The following FBXW4 variants were observed in gnomAD, a reference collection of about 807,000 sequenced individuals.
FBXW4 encodes the protein F-box and WD repeat domain containing 4.
FBXW4 carries 40 observed loss-of-function variants against 61.8 expected under a neutral mutation model. The ratio of observed to expected loss-of-function variants is 0.65; its 90% confidence interval spans 0.50 to 0.84. The LOEUF is 0.84. Among genes scored for constraint, FBXW4 ranks in the 40% least tolerant of loss-of-function variants. The pLI is 0.00. For missense variants in FBXW4, 672 were observed against 753.8 expected (o/e 0.89, Z 1.27); for synonymous variants, 311 against 313.8 (o/e 0.99, Z 0.10).
chr10:101,673,979 T>A (rs551840071), intron 2 of FBXW4, among the ~76,000 whole-genome samples: 1 of 152,260 alleles, frequency 6.6e-6, no homozygotes, highest in East Asian at 1.9e-4. Context: ...CTACCTAGAC[T>A]TCTCATGGGT....
At chr10:101,651,444 A>G (rs916686032) in intron 5 of FBXW4, among the ~76,000 whole-genome samples, 2 of 152,188 alleles carry the variant, frequency 1.3e-5, no homozygotes, top group Non-Finnish European at 2.9e-5. Context: ...GTGAAATCAT[A>G]CAGAGGTCAG....
intron 5 of FBXW4, among the ~76,000 whole-genome samples, chr10:101,666,310 T>G (rs2064299984): frequency 6.6e-6 from 1 of 152,178 alleles, no homozygotes; most frequent in Non-Finnish European, 1.5e-5. Flanking sequence ...GTCAATATGC[T>G]AAGGAATGGG....
chr10:101,680,336 G>C (rs987354914), intron 1 of FBXW4, among the ~76,000 whole-genome samples: 2 of 152,118 alleles, frequency 1.3e-5, no homozygotes, highest in African/African-American at 4.8e-5. Context: ...CAATAGAAAT[G>C]TATCAATTAT....
intron 6 of FBXW4, 32 bp downstream of exon 6, chr10:101,624,710 GACT>G: frequency 1.2e-6 from 2 of 1,611,736 alleles, no homozygotes; most frequent in Non-Finnish European, 1.7e-6. Flanking sequence ...TCACCTCCTG[GACT>G]GGAAGCCAGC....
At chr10:101,660,027 A>T in intron 5 of FBXW4, 1 of 945,550 alleles carries the variant, frequency 1.1e-6, no homozygotes, top group Non-Finnish European at 1.3e-6. Flanking sequence ...ATAAGGAGAA[A>T]TCACTTGAAT....
At chr10:101,622,995 CAG>C (rs2063879979) in intron 6 of FBXW4, 1 of 152,120 alleles carries the variant, frequency 6.6e-6, no homozygotes, top group African/African-American at 2.4e-5. Context: ...AAGACATGAA[CAG>C]ACGTTTCGCC....
intron 1 of FBXW4, among the ~76,000 whole-genome samples, chr10:101,683,484 C>G (rs1158056868): frequency 6.6e-6 from 1 of 152,050 alleles, no homozygotes; most frequent in African/African-American, 2.4e-5. Flanking sequence ...CAACATGCAC[C>G]CACAGTAAGC....
Position 101,694,522 on chromosome 10 carries a change from C to A in FBXW4, c.584G>T (p.Cys195Phe). 1 of 1,509,094 alleles carries A rather than the reference C, an allele frequency of 6.6e-7. No homozygotes were observed. Among genetic ancestry groups the A allele is most frequent in the African/African-American group, 1.4e-5 (1 of 69,402 alleles). 93.5% of individuals were successfully genotyped at this position (1,509,094 alleles called of 1,614,324 possible). A position where few individuals can be genotyped will look rare whatever the true frequency, so the allele number is the denominator to read the frequency against. ...RLPEELLLLI[C>F]SYLDMRALGR... Reference sequence around the variant, plus strand: ...GAGGGCCCGCATGTCCAGGTAGGAGCAGATGAGCAGCAGCAGCTCCTCCGG... The same window carrying A: ...GAGGGCCCGCATGTCCAGGTAGGAGAAGATGAGCAGCAGCAGCTCCTCCGG... The change falls in exon 1 of 9, where the codon TGC becomes TTC. Residue 195 changes from cysteine (C) to phenylalanine (F), a missense_variant. By Grantham distance (205) the Cys-to-Phe change is radical (BLOSUM62 -2). Around this residue, in one of 5 missense-constraint regions of FBXW4, gnomAD observed 311 missense variants for 301.1 expected, o/e 1.03. Transcript: ENST00000331272. This position sits in a 1 kb window ranked among gnomAD's most constrained non-coding sequence, Gnocchi z 6.0.
chr10:101,667,902 T>C lies in FBXW4; in HGVS notation c.1219A>G (p.Ile407Val), dbSNP rs2064321398. 6.2e-7 allele frequency: 1 copy of C among 1,614,132 alleles called. No individual in the cohort carries two copies. The highest frequency in any genetic ancestry group is 8.5e-7 in the Non-Finnish European group (1 of 1,179,964). The change falls in exon 5 of 9, where the codon ATC (isoleucine) becomes GTC (valine). Residue 407 changes from isoleucine (I) to valine (V), a missense_variant. Transcript: ENST00000331272. ...CTCCCTTACCTGAGTAATGGGCTGA[T>C]AGCAATGGACCAGACTCGGTCTTCA... ...QTEDRVWSIA[I>V]SPLLSSFVTG...
Position 101,676,428 on chromosome 10 carries a change from C to T in FBXW4, c.734G>A (p.Ser245Asn). 2 of 1,612,692 alleles carry T rather than the reference C, an allele frequency of 1.2e-6. No individual in the cohort carries two copies. Among genetic ancestry groups the T allele is most frequent in the Non-Finnish European group, 1.7e-6 (2 of 1,179,234 alleles). ...CTTCACTCGTTCCTTCACTGGGACA[C>T]TGGTCATCCTATGTCCAGACAGAAC... ...FTRLGTDLMT[S>N]VPVKERVKVS... The change falls in exon 2 of 9, where the codon AGT (serine) becomes AAT (asparagine). Residue 245 changes from serine (S) to asparagine (N), a missense_variant. By Grantham distance (46) the Ser-to-Asn change is conservative (BLOSUM62 1). Coordinates refer to ENST00000331272, the MANE Select transcript of FBXW4 (RefSeq NM_022039.4).
At chr10:101,647,614 T>C (rs1404723914) in intron 5 of FBXW4, among the ~76,000 whole-genome samples, 4 of 152,208 alleles carry the variant, frequency 2.6e-5, no homozygotes, top group African/African-American at 7.2e-5. Context: ...GGAAAAATAG[T>C]AGGACACCAA....
In FBXW4 at chr10:101,694,912, G is replaced by A. The variant is rs969893243; in HGVS notation, c.194C>T (p.Ala65Val). The A allele has an allele frequency of 2.4e-6, 3 of 1,241,296 alleles. No individual in the cohort carries two copies. The highest frequency in any genetic ancestry group is 6.4e-5 in the East Asian group (2 of 31,382). The allele number at this position is 1,241,296 out of a possible 1,614,324, so 76.9% of individuals were successfully genotyped here. The change falls in exon 1 of 9, where the codon GCG becomes GTG. Residue 65 changes from alanine to valine, a missense_variant. Transcript: ENST00000331272. The surrounding 1 kb of genome is among the most constrained non-coding windows in gnomAD (Gnocchi z 6.0). ...GAEGKPGPQT[A>V]KEAAGPGADA... Reference sequence around the variant, plus strand: ...AGCCCCCGGCCCGGCTGCCTCCTTCGCCGTCTGCGGCCCGGGCTTCCCTTC... The same window carrying A: ...AGCCCCCGGCCCGGCTGCCTCCTTCACCGTCTGCGGCCCGGGCTTCCCTTC...
intron 5 of FBXW4, among the ~76,000 whole-genome samples, chr10:101,643,268 G>A (rs2064069232): frequency 1.3e-5 from 2 of 152,210 alleles, no homozygotes; most frequent in African/African-American, 4.8e-5. Context: ...CCAGTAGGTG[G>A]CTGCTGGCCA....
At chr10:101,613,415 T>C (rs2063803420) in intron 6 of FBXW4, among the ~76,000 whole-genome samples, 1 of 152,244 alleles carries the variant, frequency 6.6e-6, no homozygotes, top group Non-Finnish European at 1.5e-5. Context: ...CCTCCAGGCC[T>C]GATGCCTTAG....
chr10:101,692,965 C>A (rs193208123), intron 1 of FBXW4, among the ~76,000 whole-genome samples: 29 of 152,210 alleles, frequency 1.9e-4, no homozygotes, highest in African/African-American at 6.3e-4. Context: ...ATTCTAACAT[C>A]TAAGACCCAC....
intron 5 of FBXW4, among the ~76,000 whole-genome samples, chr10:101,630,389 T>A (rs938734476): frequency 6.6e-6 from 1 of 152,200 alleles, no homozygotes; most frequent in East Asian, 1.9e-4. Flanking sequence ...ACAGGCCTCA[T>A]TGGCACCTGG....
chr10:101,617,520 A>T (rs1384978082), intron 6 of FBXW4, among the ~76,000 whole-genome samples: 4 of 152,296 alleles, frequency 2.6e-5, no homozygotes, highest in African/African-American at 9.6e-5. Context: ...CCTCAGCCCC[A>T]TCAGGTGAGA....
chr10:101,670,947 T>A (rs1307552260), intron 4 of FBXW4, among the ~76,000 whole-genome samples: 1 of 149,578 alleles, frequency 6.7e-6, no homozygotes, highest in Non-Finnish European at 1.5e-5. Flanking sequence ...CTTTACCCCA[T>A]AAAATAAATC....
chr10:101,612,274 G>A, intron 7 of FBXW4, 63 bp downstream of exon 7: 1 of 1,439,602 alleles, frequency 6.9e-7, no homozygotes, highest in South Asian at 1.7e-5. Context: ...ACCCAGGACT[G>A]GAGGAAGGAC....
Sources: gnomAD v4.1 joint callset for allele counts (sites outside exome capture counted in the v4.1 genomes callset) on GRCh38, gnomAD v4.1.1 for gene constraint, gnomAD v4.1.1 regional missense constraint, Gnocchi (gnomAD v3.1) non-coding constraint, MANE v1.5 for transcripts, NCBI Gene and HGNC (gene_info 2026-07-23, HGNC 2026-07-21) for gene names.